PITPNM2: variants seen among roughly 807,000 people sequenced by gnomAD.
PITPNM2 encodes the protein phosphatidylinositol transfer protein membrane associated 2, also known as membrane-associated phosphatidylinositol transfer protein 2.
PITPNM2 carries 35 observed loss-of-function variants against 132.2 expected under a neutral mutation model. That is an observed-to-expected ratio of 0.26 (90% CI 0.20 to 0.35). The LOEUF is 0.35. Ranked by LOEUF, PITPNM2 falls within the 10% of genes least tolerant of loss-of-function variation. The pLI is 1.00. For missense variants in PITPNM2, 1,332 were observed against 1,912.0 expected (o/e 0.70, Z 5.66); for synonymous variants, 738 against 799.2 (o/e 0.92, Z 1.29).
chr12:123,125,358 A>C (rs1434805053), intron 1 of PITPNM2, among the ~76,000 whole-genome samples: 1 of 152,184 alleles, frequency 6.6e-6, no homozygotes, highest in Non-Finnish European at 1.5e-5. Context: ...TAGAAGCAAA[A>C]ACAAATAAAT....
At chr12:123,025,554 T>C (rs538125531) in intron 3 of PITPNM2, among the ~76,000 whole-genome samples, 1 of 151,702 alleles carries the variant, frequency 6.6e-6, no homozygotes, top group South Asian at 2.1e-4. Context: ...TGCCTCAGCC[T>C]CCTGAGTAGC....
intron 2 of PITPNM2, among the ~76,000 whole-genome samples, chr12:123,048,398 GTGTTTTTTTTT>G (rs1218735279): frequency 1.3e-5 from 2 of 151,708 alleles, no homozygotes; most frequent in East Asian, 1.9e-4. Flanking sequence ...TGGGTAGTTA[GTGTTTTTTTTT>G]TGTTTTTTTT....
chr12:123,124,755 G>A (rs1467935069), intron 1 of PITPNM2, among the ~76,000 whole-genome samples: 4 of 152,110 alleles, frequency 2.6e-5, no homozygotes, highest in African/African-American at 9.7e-5. Flanking sequence ...ATGTTTGCCT[G>A]TAGCTGCTTT....
In PITPNM2 at chr12:123,111,483, G is replaced by T. The variant is rs2042832353; in HGVS notation, c.-199-995C>A. ...CAGCCCTAACAAAGGGAAATGGAAT[G>T]GTGGCTGGGGATGGCAAAGTTATCA... On this transcript the variant is annotated intron_variant, in intron 1 of 25. Transcript: ENST00000320201. This position sits in a 1 kb window ranked among gnomAD's most constrained non-coding sequence, Gnocchi z 4.1. Among the ~76,000 whole-genome samples the T allele has an allele frequency of 6.6e-6, 1 of 152,246 alleles. No homozygotes were observed. The highest frequency in any genetic ancestry group is 1.5e-5 in the Non-Finnish European group (1 of 68,048).
intron 1 of PITPNM2, among the ~76,000 whole-genome samples, chr12:123,135,536 C>G (rs544286919): frequency 4.6e-5 from 7 of 152,276 alleles, no homozygotes; most frequent in Non-Finnish European, 8.8e-5. Flanking sequence ...TCCCCTCAGA[C>G]CTGGCAACCA....
intron 19 of PITPNM2, 86 bp downstream of exon 19, chr12:122,988,638 C>A (rs2038043958): frequency 7.3e-7 from 1 of 1,371,096 alleles, no homozygotes; most frequent in Non-Finnish European, 9.9e-7. Context: ...GAGAGGAGTC[C>A]CCACTGTCCC....
At position 123,000,183 on chromosome 12, in the gene PITPNM2, T is replaced by C. The variant is rs2038598161; in HGVS notation, c.1224+595A>G. The stretch of plus-strand genomic sequence containing the variant: ...AGAGCAGTGCGGTGACCGCAGGTGA[T>C]GGTGGGACAGCCCAGCTCAGCCCTG... On this transcript the variant is annotated intron_variant, in intron 10 of 25. Coordinates refer to ENST00000320201, the MANE Select transcript of PITPNM2 (RefSeq NM_020845.3). The surrounding 1 kb of genome is among the most constrained non-coding windows in gnomAD (Gnocchi z 5.4). The C allele has an allele frequency of 5.2e-6, 3 of 572,260 alleles. No homozygotes were observed. Among genetic ancestry groups the C allele is most frequent in the Admixed American group, 6.1e-5 (2 of 32,822 alleles). 35.4% of individuals were successfully genotyped at this position (572,260 alleles called of 1,614,324 possible).
chr12:123,032,779 G>A (rs1014838390), intron 3 of PITPNM2, among the ~76,000 whole-genome samples: 1 of 152,208 alleles, frequency 6.6e-6, no homozygotes, highest in Non-Finnish European at 1.5e-5. Flanking sequence ...GCTGATTTAA[G>A]CTGCTTCCTC....
Position 123,000,435 on chromosome 12 carries a change from G to T in PITPNM2, c.1224+343C>A. 1 of 703,016 alleles carries T rather than the reference G, an allele frequency of 1.4e-6. No homozygotes were observed. The highest frequency in any genetic ancestry group is 2.6e-6 in the Non-Finnish European group (1 of 384,998). 43.5% of individuals were successfully genotyped at this position (703,016 alleles called of 1,614,324 possible). A position where few individuals can be genotyped will look rare whatever the true frequency, so the allele number is the denominator to read the frequency against. ...CCCTTTTCGTCTTTTTATCTTCAGG[G>T]ACAGCAGACAGGCTGGGCACAAGGT... On this transcript the variant is annotated intron_variant, in intron 10 of 25. Transcript: ENST00000320201. This position sits in a 1 kb window ranked among gnomAD's most constrained non-coding sequence, Gnocchi z 5.4.
At chr12:123,061,020 C>T (rs913198516) in intron 2 of PITPNM2, among the ~76,000 whole-genome samples, 1 of 152,104 alleles carries the variant, frequency 6.6e-6, no homozygotes, top group Non-Finnish European at 1.5e-5. Context: ...AGCTACCGCG[C>T]CATTCACTCA....
In PITPNM2 at chr12:123,014,059, AC is replaced by A. The variant is rs1324729281; in HGVS notation, c.79-18del. 6.2e-7 allele frequency: 1 copy of A among 1,613,688 alleles called. No individual in the cohort carries two copies. The highest frequency in any genetic ancestry group is 1.7e-5 in the Admixed American group (1 of 60,006). On this transcript the variant is annotated intron_variant, in intron 3 of 25. Transcript: ENST00000320201. ...GCTCTTCTTCTGTGGGGACAAAAGC[AC>A]CTGCAATGTGTGTGGGGCCAGAGCA...
chr12:123,047,459 T>A (rs2040698754), intron 2 of PITPNM2, among the ~76,000 whole-genome samples: 1 of 152,144 alleles, frequency 6.6e-6, no homozygotes, highest in South Asian at 2.1e-4. Flanking sequence ...GACCTGGGAA[T>A]AAGAATTTTT....
At chr12:123,039,027 G>A (rs992555667) in intron 2 of PITPNM2, among the ~76,000 whole-genome samples, 1 of 150,708 alleles carries the variant, frequency 6.6e-6, no homozygotes, top group African/African-American at 2.4e-5. Context: ...AGAGCTGAGG[G>A]TAGGTGTGAG....
At chr12:123,110,708 C>T (rs941637981) in intron 1 of PITPNM2, among the ~76,000 whole-genome samples, 7 of 152,160 alleles carry the variant, frequency 4.6e-5, no homozygotes, top group Non-Finnish European at 7.3e-5. Flanking sequence ...CAACATTGCC[C>T]GGCACCCCTT....
chr12:123,075,263 T>A (rs1055767999), intron 2 of PITPNM2, among the ~76,000 whole-genome samples: 6 of 152,344 alleles, frequency 3.9e-5, no homozygotes, highest in African/African-American at 1.4e-4. Context: ...TGAGCTTCTC[T>A]CTTCCTGCAG....
In PITPNM2 at chr12:123,009,684, G is replaced by A. The variant is rs1004889237; in HGVS notation, c.643+166C>T. ...ATGTTCAAGATAACCCATGGCTGGC[G>A]GGTAGTGGGGAAGCTGGACATGGGC... is the stretch of plus-strand genomic sequence containing the variant. On this transcript the variant is annotated intron_variant, in intron 6 of 25. Coordinates refer to ENST00000320201, the MANE Select transcript of PITPNM2 (RefSeq NM_020845.3). The surrounding 1 kb of genome is among the most constrained non-coding windows in gnomAD (Gnocchi z 4.8). 4.6e-5 allele frequency among the ~76,000 whole-genome samples: 7 copies of A among 152,206 alleles called. No individual in the cohort carries two copies. Among genetic ancestry groups the A allele is most frequent in the East Asian group, 1.9e-4 (1 of 5,196 alleles).
At chr12:122,988,440 G>A in intron 19 of PITPNM2, 90 bp from the exon 20 acceptor site, 2 of 1,131,602 alleles carry the variant, frequency 1.8e-6, no homozygotes, top group South Asian at 1.3e-5. Context: ...CCGGGAGCAA[G>A]AGGAGCCTGT....
intron 1 of PITPNM2, among the ~76,000 whole-genome samples, chr12:123,129,807 CAG>C (rs1044338696): frequency 3.9e-5 from 6 of 151,994 alleles, no homozygotes; most frequent in Non-Finnish European, 7.4e-5. Flanking sequence ...ACAGAGGAAA[CAG>C]AGGGGAGAGG....
chr12:123,058,004 C>T lies in PITPNM2; in HGVS notation c.-95-23319G>A, dbSNP rs1275788086. On this transcript the variant is annotated intron_variant, in intron 2 of 25. Coordinates refer to ENST00000320201, the MANE Select transcript of PITPNM2 (RefSeq NM_020845.3). This position sits in a 1 kb window ranked among gnomAD's most constrained non-coding sequence, Gnocchi z 4.0. Reference sequence around the variant, plus strand: ...AGTCCCAGGGACCCCTCCTGTACACCTGACAGGTGCTACCTCCTCTCTGGG... The same window carrying T: ...AGTCCCAGGGACCCCTCCTGTACACTTGACAGGTGCTACCTCCTCTCTGGG... Among the ~76,000 whole-genome samples, 2 of 152,218 alleles carry T rather than the reference C, an allele frequency of 1.3e-5. No individual in the cohort carries two copies. The highest frequency in any genetic ancestry group is 4.8e-5 in the African/African-American group (2 of 41,456).
Sources: gnomAD v4.1 joint callset for allele counts (sites outside exome capture counted in the v4.1 genomes callset) on GRCh38, gnomAD v4.1.1 for gene constraint, Gnocchi (gnomAD v3.1) non-coding constraint, MANE v1.5 for transcripts, NCBI Gene and HGNC (gene_info 2026-07-23, HGNC 2026-07-21) for gene names.